The following GATA4 variants were observed in gnomAD, a reference collection of about 807,000 sequenced individuals.
The protein encoded by GATA4 is transcription factor GATA-4.
In GATA4, 7 loss-of-function variants were observed where a neutral mutation model predicts 37.9. That is an observed-to-expected ratio of 0.18 (90% CI 0.11 to 0.35). GATA4 has a LOEUF of 0.35. GATA4 is among the 10% of genes least tolerant of loss of function. The pLI, the probability that GATA4 is intolerant of heterozygous loss-of-function variation, is 1.00. For missense variants in GATA4, 647 were observed against 653.0 expected, an observed-to-expected ratio of 0.99 and a Z score of 0.10; for synonymous variants, 372 against 292.6, an observed-to-expected ratio of 1.27 and a Z score of -2.77.
Position 11,757,026 on chromosome 8 carries a change from C to G in GATA4, c.1092C>G (p.Pro364=). The stretch of plus-strand genomic sequence containing the variant: ...CCAGCAGCAGCGAGGAGATGCGTCC[C>G]ATCAAGACGGAGCCTGGCCTGTCAT... ...ATTSSSEEMR[P]IKTEPGLSSH... The change falls in exon 6 of 7, where the codon CCC becomes CCG. Residue 364 remains proline, a synonymous_variant. Coordinates refer to ENST00000532059, the MANE Select transcript of GATA4 (RefSeq NM_001308093.3). The G allele has an allele frequency of 6.2e-7, 1 of 1,614,238 alleles. No homozygotes were observed. Among genetic ancestry groups the G allele is most frequent in the Non-Finnish European group, 8.5e-7 (1 of 1,180,046 alleles).
chr8:11,751,853 G>A (rs1326278139), intron 4 of GATA4, among the ~76,000 whole-genome samples: 2 of 152,304 alleles, frequency 1.3e-5, no homozygotes, highest in East Asian at 1.9e-4. Flanking sequence ...TTATTGATCT[G>A]TATTTGAATT....
chr8:11,684,373 T>G (rs1214129621), intron 1 of GATA4, among the ~76,000 whole-genome samples: 1 of 152,222 alleles, frequency 6.6e-6, no homozygotes, highest in Non-Finnish European at 1.5e-5. Flanking sequence ...AAAAATAAGG[T>G]GCAGGAATGT....
At chr8:11,705,773 T>C (rs1218627191) in intron 1 of GATA4, 1 of 152,272 alleles carries the variant, frequency 6.6e-6, no homozygotes, top group Admixed American at 6.5e-5. Context: ...ATCAGCCATT[T>C]GAAAAGGCAG....
chr8:11,706,831 T>C (rs1462208706), intron 1 of GATA4, among the ~76,000 whole-genome samples: 1 of 152,106 alleles, frequency 6.6e-6, no homozygotes, highest in Non-Finnish European at 1.5e-5. Flanking sequence ...AGTTCCCTCT[T>C]GTAAAATGAG....
chr8:11,699,755 G>A (rs191805203), upstream of GATA4, among the ~76,000 whole-genome samples: 164 of 152,368 alleles, frequency 1.1e-3, 1 homozygote, highest in African/African-American at 3.3e-3. Flanking sequence ...TATGGTGTCC[G>A]TCCTGAACTC....
At chr8:11,755,362 A>G (rs767502705) in intron 5 of GATA4, among the ~76,000 whole-genome samples, 7 of 152,280 alleles carry the variant, frequency 4.6e-5, no homozygotes, top group Non-Finnish European at 1.0e-4. Context: ...CTGGGGCCTG[A>G]TCATTGCCGA....
intron 5 of GATA4, chr8:11,756,598 T>C (rs2645458): frequency 0.98 from 385,197 of 394,912 alleles, 188,512 homozygotes; most frequent in East Asian, 1. Context: ...TATTTCATTA[T>C]AGAGTATTAT....
chr8:11,692,596 C>G, upstream of GATA4: 45 of 985,290 alleles, frequency 4.6e-5, no homozygotes, highest in Non-Finnish European at 5.3e-5. Context: ...GTGGCCCCCG[C>G]GCTGGGGCGG....
At chr8:11,683,676 G>T (rs1451389866) in intron 1 of GATA4, among the ~76,000 whole-genome samples, 3 of 152,136 alleles carry the variant, frequency 2.0e-5, no homozygotes, top group African/African-American at 7.2e-5. Flanking sequence ...CCGGAGACTG[G>T]GGCGGGACCC....
chr8:11,677,306 C>T (rs894122152), intron 1 of GATA4, among the ~76,000 whole-genome samples: 2 of 152,210 alleles, frequency 1.3e-5, no homozygotes, highest in Non-Finnish European at 2.9e-5. Flanking sequence ...CCGCAGACGC[C>T]GGGCTTCCTT....
chr8:11,739,924 CT>C (rs1801647165), intron 2 of GATA4, among the ~76,000 whole-genome samples: 1 of 152,200 alleles, frequency 6.6e-6, no homozygotes, highest in Admixed American at 6.5e-5. Flanking sequence ...CCACCTGCCC[CT>C]TGCTCCTGGA....
chr8:11,687,773 G>C (rs1270007606), upstream of GATA4, among the ~76,000 whole-genome samples: 1 of 152,096 alleles, frequency 6.6e-6, no homozygotes, highest in African/African-American at 2.4e-5. Context: ...GATATGTAAT[G>C]GCTCTGACAG....
intron 1 of GATA4, chr8:11,697,439 C>T (rs1799539138): frequency 1.9e-6 from 1 of 521,740 alleles, no homozygotes; most frequent in African/African-American, 2.1e-5. Flanking sequence ...CCGATGATTT[C>T]TAACAATAGG....
chr8:11,751,876 A>G (rs1171595091), intron 4 of GATA4, among the ~76,000 whole-genome samples: 1 of 152,190 alleles, frequency 6.6e-6, no homozygotes, highest in East Asian at 1.9e-4. Flanking sequence ...TGCATCTATT[A>G]ACTTAGTGGT....
chr8:11,743,183 A>G (rs1801844353), intron 2 of GATA4, among the ~76,000 whole-genome samples: 2 of 152,258 alleles, frequency 1.3e-5, no homozygotes, highest in South Asian at 4.1e-4. Flanking sequence ...GCCGTTTGTC[A>G]TCACAAAGGT....
At chr8:11,758,166 T>C in intron 6 of GATA4, 127 bp from the exon 7 acceptor site, 2 of 868,684 alleles carry the variant, frequency 2.3e-6, no homozygotes, top group South Asian at 1.3e-5. Flanking sequence ...AAGTGCTCCT[T>C]GGTCCCTTCC....
Position 11,708,673 on chromosome 8 carries a change from G to A in GATA4, c.361G>A (p.Ala121Thr), listed in dbSNP as rs1204420981. Residue 121 changes from alanine (A) to threonine (T), a missense_variant, in exon 2 of 7, where the codon GCC (alanine) becomes ACC (threonine). Transcript: ENST00000532059. The surrounding 1 kb of genome is among the most constrained non-coding windows in gnomAD (Gnocchi z 6.7). ...PGTTGSLAAA[A>T]AAAAAREAAA... ...GACCACCGGGTCCCTGGCGGCCGCCGCCGCCGCTGCCGCGGCCCGGGAAGC... is the reference window on the plus strand; with the variant it reads ...GACCACCGGGTCCCTGGCGGCCGCCACCGCCGCTGCCGCGGCCCGGGAAGC... 1 of 1,281,888 alleles carries A rather than the reference G, an allele frequency of 7.8e-7. No homozygotes were observed. The highest frequency in any genetic ancestry group is 2.7e-5 in the South Asian group (1 of 37,720). The allele number at this position is 1,281,888 out of a possible 1,614,324, so 79.4% of individuals were successfully genotyped here.
chr8:11,710,524 CAAAAAAA>C (rs773444142), intron 2 of GATA4, among the ~76,000 whole-genome samples: 3 of 115,210 alleles, frequency 2.6e-5, no homozygotes, highest in Non-Finnish European at 5.6e-5. Flanking sequence ...TACTAAAATA[CAAAAAAA>C]AAAAAAAAAA....
In GATA4 at chr8:11,708,601, G is replaced by A; in HGVS notation, c.289G>A (p.Ala97Thr). ...PGWSQAGADG[A>T]AYTPPPVSPR... ...ATGGAGCCAGGCGGGAGCCGACGGA[G>A]CCGCTTACACCCCGCCGCCGGTGTC... Residue 97 changes from alanine (A) to threonine (T), a missense_variant, in exon 2 of 7, where the codon GCC becomes ACC. Ala to Thr is a moderately conservative substitution (Grantham distance 58, BLOSUM62 0). This residue lies in a region of GATA4 where 379 missense variants were observed against 334.5 expected (regional missense o/e 1.13). Coordinates refer to ENST00000532059, the MANE Select transcript of GATA4 (RefSeq NM_001308093.3). This position sits in a 1 kb window ranked among gnomAD's most constrained non-coding sequence, Gnocchi z 6.7. The A allele has an allele frequency of 1.5e-6, 2 of 1,359,884 alleles. No individual in the cohort carries two copies. Among genetic ancestry groups the A allele is most frequent in the Non-Finnish European group, 1.9e-6 (2 of 1,058,672 alleles). The allele number at this position is 1,359,884 out of a possible 1,614,324, so 84.2% of individuals were successfully genotyped here.
Sources: gnomAD v4.1 joint callset for allele counts (sites outside exome capture counted in the v4.1 genomes callset) on GRCh38, gnomAD v4.1.1 for gene constraint, gnomAD v4.1.1 regional missense constraint, Gnocchi (gnomAD v3.1) non-coding constraint, MANE v1.5 for transcripts, NCBI Gene and HGNC (gene_info 2026-07-23, HGNC 2026-07-21) for gene names.